Variants in AKAP6 observed in about 807,000 individuals in gnomAD.
AKAP6 encodes the protein A-kinase anchor protein 6.
In AKAP6, 58 loss-of-function variants were observed where a neutral mutation model predicts 188.5. That is an observed-to-expected ratio of 0.31 (90% CI 0.25 to 0.38). AKAP6 has a LOEUF of 0.38. Ranked by LOEUF, AKAP6 falls within the 10% of genes least tolerant of loss-of-function variation. The pLI is 1.00. For synonymous variants in AKAP6, 989 were observed against 998.6 expected, an observed-to-expected ratio of 0.99 and a Z score of 0.18; for missense variants, 2,710 against 2,740.0, an observed-to-expected ratio of 0.99 and a Z score of 0.24.
intron 2 of AKAP6, among the ~76,000 whole-genome samples, chr14:32,469,102 G>C (rs1472274564): frequency 6.6e-6 from 1 of 152,126 alleles, no homozygotes; most frequent in Admixed American, 6.6e-5. Flanking sequence ...TGTACTGTGA[G>C]AACTGTTGCA....
chr14:32,791,201 C>G (rs1206880834), intron 12 of AKAP6, among the ~76,000 whole-genome samples: 1 of 152,144 alleles, frequency 6.6e-6, no homozygotes, highest in African/African-American at 2.4e-5. Flanking sequence ...ACACTGTCTT[C>G]CACAATGGTT....
intron 3 of AKAP6, among the ~76,000 whole-genome samples, chr14:32,536,852 C>T (rs1882702363): frequency 6.6e-6 from 1 of 152,072 alleles, no homozygotes; most frequent in South Asian, 2.1e-4. Flanking sequence ...GTACGGATAC[C>T]ATATATGGAT....
chr14:32,553,346 T>C (rs1415300340), intron 4 of AKAP6, among the ~76,000 whole-genome samples: 1 of 151,344 alleles, frequency 6.6e-6, no homozygotes, highest in Non-Finnish European at 1.5e-5. Context: ...AATTTTTGTA[T>C]TTTTTTTAGT....
At chr14:32,477,615 G>A (rs182760425) in intron 2 of AKAP6, among the ~76,000 whole-genome samples, 20 of 152,252 alleles carry the variant, frequency 1.3e-4, no homozygotes, top group Admixed American at 6.5e-4. Flanking sequence ...ATTTCAAGAC[G>A]GTGTTGTATC....
At chr14:32,343,769 A>AG (rs1221358048) in intron 1 of AKAP6, among the ~76,000 whole-genome samples, 2 of 150,960 alleles carry the variant, frequency 1.3e-5, no homozygotes, top group Non-Finnish European at 3.0e-5. Flanking sequence ...AAAAAAAAAA[A>AG]AAAGAAATTA....
intron 8 of AKAP6, among the ~76,000 whole-genome samples, chr14:32,683,097 G>A (rs540936299): frequency 6.6e-6 from 1 of 151,550 alleles, no homozygotes; most frequent in South Asian, 2.1e-4. Context: ...GGGTTCAAGC[G>A]ATTCTTGTCC....
At chr14:32,662,428 A>T (rs1888743609) in intron 7 of AKAP6, among the ~76,000 whole-genome samples, 1 of 152,100 alleles carries the variant, frequency 6.6e-6, no homozygotes, top group African/African-American at 2.4e-5. Flanking sequence ...AGGTCCTAGC[A>T]GTTGTTAAAT....
At chr14:32,615,838 C>T (rs1027750804) in intron 7 of AKAP6, among the ~76,000 whole-genome samples, 2 of 152,094 alleles carry the variant, frequency 1.3e-5, no homozygotes, top group African/African-American at 4.8e-5. Context: ...TCATGATCCG[C>T]CCACCTCGGC....
intron 2 of AKAP6, among the ~76,000 whole-genome samples, chr14:32,483,442 A>G (rs978004522): frequency 6.6e-5 from 10 of 151,562 alleles, no homozygotes; most frequent in South Asian, 2.1e-4. Context: ...GTGAAGTTTG[A>G]TTTTTTTTCT....
intron 1 of AKAP6, among the ~76,000 whole-genome samples, chr14:32,409,210 A>C (rs576253762): frequency 1.3e-5 from 2 of 152,192 alleles, no homozygotes; most frequent in African/African-American, 4.8e-5. Flanking sequence ...AAAAACCAAA[A>C]CAAAACAAAA....
chr14:32,478,570 G>A (rs569446238), intron 2 of AKAP6, among the ~76,000 whole-genome samples: 10 of 152,204 alleles, frequency 6.6e-5, no homozygotes, highest in African/African-American at 1.4e-4. Context: ...AATTTAATTC[G>A]ATGCCAGAAA....
intron 9 of AKAP6, among the ~76,000 whole-genome samples, chr14:32,710,270 T>G (rs1890988894): frequency 6.6e-6 from 1 of 151,974 alleles, no homozygotes; most frequent in Non-Finnish European, 1.5e-5. Context: ...AATATATTAT[T>G]TATGTCGGAG....
chr14:32,751,095 T>A (rs184309347), intron 11 of AKAP6, among the ~76,000 whole-genome samples: 39 of 151,728 alleles, frequency 2.6e-4, no homozygotes, highest in African/African-American at 9.4e-4. Context: ...TGCTAAATAA[T>A]TTTTTTTAAT....
At chr14:32,748,026 T>C (rs1447533395) in intron 11 of AKAP6, among the ~76,000 whole-genome samples, 1 of 152,224 alleles carries the variant, frequency 6.6e-6, no homozygotes, top group African/African-American at 2.4e-5. Flanking sequence ...TCTTTACTTA[T>C]TGTCTTGAAA....
intron 11 of AKAP6, among the ~76,000 whole-genome samples, chr14:32,752,556 T>C (rs1187369304): frequency 6.6e-6 from 1 of 152,204 alleles, no homozygotes; most frequent in Non-Finnish European, 1.5e-5. Flanking sequence ...TGTTTTGATA[T>C]ATGTATATGT....
intron 4 of AKAP6, among the ~76,000 whole-genome samples, chr14:32,570,112 A>C: frequency 7.2e-6 from 1 of 138,664 alleles, no homozygotes; most frequent in South Asian, 2.5e-4. Flanking sequence ...CTATATTGTG[A>C]CTGTGTGGGA....
intron 7 of AKAP6, among the ~76,000 whole-genome samples, chr14:32,615,014 C>T (rs1886503076): frequency 6.6e-6 from 1 of 151,126 alleles, no homozygotes; most frequent in South Asian, 2.1e-4. Context: ...ACTAAAAATA[C>T]AAAAATTAGC....
intron 8 of AKAP6, among the ~76,000 whole-genome samples, chr14:32,692,730 T>C (rs1365235196): frequency 6.6e-6 from 1 of 152,212 alleles, no homozygotes; most frequent in Non-Finnish European, 1.5e-5. Context: ...ACACTGAGGA[T>C]GCAAAGATAA....
intron 2 of AKAP6, among the ~76,000 whole-genome samples, chr14:32,527,934 C>T (rs1882214174): frequency 6.6e-6 from 1 of 152,152 alleles, no homozygotes; most frequent in Non-Finnish European, 1.5e-5. Flanking sequence ...TTTCACAGAA[C>T]ATAAATATTT....
Sources: gnomAD v4.1 joint callset for allele counts (sites outside exome capture counted in the v4.1 genomes callset) on GRCh38, gnomAD v4.1.1 for gene constraint, MANE v1.5 for transcripts, NCBI Gene and HGNC (gene_info 2026-07-23, HGNC 2026-07-21) for gene names.